NIPBL: variants seen among roughly 807,000 people sequenced by gnomAD.
NIPBL encodes the protein nipped-B-like protein.
A neutral mutation model predicts 321.8 loss-of-function variants in NIPBL; 19 were observed. The ratio of observed to expected loss-of-function variants is 0.06; its 90% CI spans 0.04 to 0.09. NIPBL has a LOEUF of 0.09. Ranked by LOEUF, NIPBL falls within the 10% of genes least tolerant of loss-of-function variation. The pLI, the probability that NIPBL is intolerant of heterozygous loss-of-function variation, is 1.00. For missense variants in NIPBL, 2,210 were observed against 3,327.0 expected (o/e 0.66, Z 8.26); for synonymous variants, 1,106 against 1,114.1 (o/e 0.99, Z 0.14).
At chr5:37,008,267 T>G (rs781006797) in intron 19 of NIPBL, among the ~76,000 whole-genome samples, 179 bp downstream of exon 19, 1 of 152,146 alleles carries the variant, frequency 6.6e-6, no homozygotes, top group African/African-American at 2.4e-5. Flanking sequence ...TTTTTCTGTT[T>G]GGTTAATTTG....
intron 1 of NIPBL, among the ~76,000 whole-genome samples, chr5:36,911,755 T>G (rs895031846): frequency 3.3e-5 from 5 of 152,200 alleles, no homozygotes; most frequent in Non-Finnish European, 7.3e-5. Context: ...ATGTCATTGC[T>G]CTTCTACCCC....
chr5:36,892,553 G>A (rs1359630406), intron 1 of NIPBL, among the ~76,000 whole-genome samples: 7 of 152,050 alleles, frequency 4.6e-5, no homozygotes, highest in African/African-American at 1.5e-4. Context: ...ATCCAACAAC[G>A]ATAGACTGGA....
At chr5:36,950,556 C>T (rs1461068708) in intron 1 of NIPBL, among the ~76,000 whole-genome samples, 1 of 151,968 alleles carries the variant, frequency 6.6e-6, no homozygotes, top group African/African-American at 2.4e-5. Context: ...TAGTTCTATT[C>T]CCTCCATCCC....
At chr5:37,042,598 T>C (rs1025866616) in intron 34 of NIPBL, among the ~76,000 whole-genome samples, 1 of 151,960 alleles carries the variant, frequency 6.6e-6, no homozygotes, top group Non-Finnish European at 1.5e-5. Context: ...AAGACCAGCC[T>C]GGCCAATATG....
chr5:37,031,978 C>T (rs1751075916), intron 32 of NIPBL, among the ~76,000 whole-genome samples: 2 of 152,128 alleles, frequency 1.3e-5, no homozygotes, highest in Non-Finnish European at 2.9e-5. Flanking sequence ...AGGGAACTTT[C>T]AGGGATGATA....
At chr5:37,002,386 C>A (rs1354790370) in intron 14 of NIPBL, among the ~76,000 whole-genome samples, 1 of 152,180 alleles carries the variant, frequency 6.6e-6, no homozygotes, top group African/African-American at 2.4e-5. Context: ...TTCAGGTCAG[C>A]CTCCTGAGGC....
At chr5:36,995,339 A>C (rs932011852) in intron 10 of NIPBL, 6 of 263,632 alleles carry the variant, frequency 2.3e-5, no homozygotes, top group African/African-American at 1.4e-4. Context: ...AGTCAGTGCA[A>C]ATTGAAGGCA....
chr5:37,064,136 A>C (rs1755121308), intron 46 of NIPBL, 158 bp downstream of exon 46: 1 of 1,437,294 alleles, frequency 7.0e-7, no homozygotes, highest in Non-Finnish European at 9.1e-7. Flanking sequence ...CCGTTTATAC[A>C]TCCTTTTGTA....
chr5:36,917,881 A>G (rs1387873252), intron 1 of NIPBL, among the ~76,000 whole-genome samples: 6 of 152,146 alleles, frequency 3.9e-5, no homozygotes, highest in African/African-American at 1.4e-4. Flanking sequence ...CCATTGGTCT[A>G]TATCTCTGTT....
At chr5:36,998,371 TACC>T in intron 11 of NIPBL, among the ~76,000 whole-genome samples, 1 of 152,142 alleles carries the variant, frequency 6.6e-6, no homozygotes. Context: ...TGTGGATAGT[TACC>T]ACCAATACAG....
intron 1 of NIPBL, among the ~76,000 whole-genome samples, chr5:36,914,988 A>C (rs1190438459): frequency 6.6e-6 from 1 of 151,794 alleles, no homozygotes; most frequent in Admixed American, 6.6e-5. Flanking sequence ...TCAGATTTTT[A>C]TTTTTCTTCT....
At position 37,052,427 on chromosome 5, in the gene NIPBL, T is replaced by G. The variant is rs749095617; in HGVS notation, c.7124T>G (p.Leu2375Arg). The G allele has an allele frequency of 6.2e-7, 1 of 1,614,118 alleles. No individual in the cohort carries two copies. The highest frequency in any genetic ancestry group is 1.1e-5 in the South Asian group (1 of 91,084). Residue 2375 changes from leucine to arginine, a missense_variant, in exon 42 of 47, where the codon CTA (leucine) becomes CGA (arginine). Physicochemically the swap from Leu to Arg is moderately radical, Grantham distance 102 (BLOSUM62 -2). This residue lies in a region of NIPBL where 112 missense variants were observed against 288.3 expected (regional missense o/e 0.39). Coordinates refer to ENST00000282516, the MANE Select transcript of NIPBL (RefSeq NM_133433.4). The stretch of plus-strand genomic sequence containing the variant: ...GTACAACAGGCAATCAACACATGCC[T>G]AAAAGATCCTGTAAGGGGTTTCAGA... ...YQVQQAINTC[L>R]KDPVRGFRQD...
chr5:37,060,781 G>T, intron 44 of NIPBL, 63 bp from the exon 45 acceptor site: 2 of 1,403,562 alleles, frequency 1.4e-6, no homozygotes, highest in Non-Finnish European at 2.0e-6. Flanking sequence ...ACCTATAATT[G>T]GATTTCTCCA....
rs772696266 is a variant in NIPBL, at chr5:37,007,323, G to A, written c.4088G>A (p.Gly1363Glu). 2 of 1,610,368 alleles carry A rather than the reference G, an allele frequency of 1.2e-6. No homozygotes were observed. Among genetic ancestry groups the A allele is most frequent in the Non-Finnish European group, 8.5e-7 (1 of 1,177,414 alleles). The change falls in exon 18 of 47, where the codon GGA (glycine) becomes GAA (glutamate). Residue 1363 changes from glycine (G) to glutamate (E), a missense_variant and splice_region_variant. Transcript: ENST00000282516. The stretch of plus-strand genomic sequence containing the variant: ...TTATCTTGAATTTGTTTCATTTTAG[G>A]AGGCTTATTAAGTTCAAAAGCAAAA... Reference protein sequence around the residue: ...DPVYRLDPHGGGLLSSKAKRA... With the variant: ...DPVYRLDPHGEGLLSSKAKRA...
chr5:36,897,418 G>A (rs1283784412), intron 1 of NIPBL, among the ~76,000 whole-genome samples: 2 of 152,118 alleles, frequency 1.3e-5, no homozygotes. Context: ...TTTATTAATT[G>A]TAACTCATGC....
At chr5:36,964,482 A>G (rs34752375) in intron 6 of NIPBL, among the ~76,000 whole-genome samples, 7,880 of 152,256 alleles carry the variant, frequency 0.052, 283 homozygotes, top group Non-Finnish European at 0.08. Flanking sequence ...CACCAAGAAC[A>G]TAAAATGAGG....
chr5:37,029,042 A>C (rs1356066522), intron 32 of NIPBL, among the ~76,000 whole-genome samples: 1 of 152,202 alleles, frequency 6.6e-6, no homozygotes, highest in South Asian at 2.1e-4. Flanking sequence ...AATATGATTA[A>C]AGTTCAATTT....
At position 37,045,502 on chromosome 5, in the gene NIPBL, A is replaced by G; in HGVS notation, c.6403A>G (p.Thr2135Ala). ...QEDPNNTSLL[T>A]NKPALLRSLF... is the part of the protein sequence containing the mutation. ...GGACCCAAATAACACTTCACTTCTAACAAACAAACCAGCACTTCTTAGATC... is the reference window on the plus strand; with the variant it reads ...GGACCCAAATAACACTTCACTTCTAGCAAACAAACCAGCACTTCTTAGATC... Residue 2135 changes from threonine to alanine, a missense_variant, in exon 37 of 47, where the codon ACA (threonine) becomes GCA (alanine). This residue lies in a region of NIPBL where 73 missense variants were observed against 222.3 expected (regional missense o/e 0.33). Coordinates refer to ENST00000282516, the MANE Select transcript of NIPBL (RefSeq NM_133433.4). 2 of 1,614,104 alleles carry G rather than the reference A, an allele frequency of 1.2e-6. No homozygotes were observed. Among genetic ancestry groups the G allele is most frequent in the Non-Finnish European group, 1.7e-6 (2 of 1,179,970 alleles).
At chr5:36,947,129 C>CA (rs951088361) in intron 1 of NIPBL, among the ~76,000 whole-genome samples, 2 of 151,562 alleles carry the variant, frequency 1.3e-5, no homozygotes, top group East Asian at 1.9e-4. Flanking sequence ...TAAGAAGTGC[C>CA]AAAAAAAATT....
Sources: gnomAD v4.1 joint callset for allele counts (sites outside exome capture counted in the v4.1 genomes callset) on GRCh38, gnomAD v4.1.1 for gene constraint, gnomAD v4.1.1 regional missense constraint, MANE v1.5 for transcripts, NCBI Gene and HGNC (gene_info 2026-07-23, HGNC 2026-07-21) for gene names.